The following ZFYVE16 variants were observed in gnomAD, a reference collection of about 807,000 sequenced individuals.
ZFYVE16 encodes the protein zinc finger FYVE domain-containing protein 16.
In ZFYVE16, 89 loss-of-function variants were observed where a neutral mutation model predicts 138.1. That is an observed-to-expected ratio of 0.64 (90% CI 0.54 to 0.77). The LOEUF is 0.77. Among genes scored for constraint, ZFYVE16 ranks in the 30% least tolerant of loss-of-function variants. The pLI, the probability that ZFYVE16 is intolerant of heterozygous loss-of-function variation, is 0.00. For synonymous variants in ZFYVE16, 596 were observed against 618.3 expected (o/e 0.96, Z 0.53); for missense variants, 1,793 against 1,786.7 (o/e 1.00, Z -0.06).
intron 14 of ZFYVE16, among the ~76,000 whole-genome samples, chr5:80,458,058 G>A (rs983732806): frequency 6.7e-6 from 1 of 149,712 alleles, no homozygotes; most frequent in African/African-American, 2.4e-5. Context: ...AAAAAAGGTG[G>A]TAAAAGGGAA....
At chr5:80,473,926 G>A (rs1323027040) in intron 17 of ZFYVE16, 67 bp downstream of exon 17, 29 of 1,189,456 alleles carry the variant, frequency 2.4e-5, no homozygotes, top group Non-Finnish European at 3.6e-5. Flanking sequence ...TGGAGATTGT[G>A]CATACTCAAC....
chr5:80,439,036 T>C, intron 4 of ZFYVE16, 29 bp downstream of exon 4: 4 of 1,572,432 alleles, frequency 2.5e-6, no homozygotes, highest in Non-Finnish European at 1.7e-6. Flanking sequence ...TTAAGTCTTT[T>C]GTTCTTTTGA....
chr5:80,438,209 G>T lies in ZFYVE16; in HGVS notation c.1524G>T (p.Met508Ile). The change falls in exon 4 of 19, where the codon ATG becomes ATT. Residue 508 changes from methionine (M) to isoleucine (I), a missense_variant. By Grantham distance (10) the Met-to-Ile change is conservative. This residue lies in a region of ZFYVE16 where 1,295 missense variants were observed against 1,204.3 expected (regional missense o/e 1.08). Coordinates refer to ENST00000505560, the MANE Select transcript of ZFYVE16 (RefSeq NM_001284236.3). Reference protein sequence around the residue: ...GFINTFSSNDMDGQDLDYFNI... With the variant: ...GFINTFSSNDIDGQDLDYFNI... ...TTAATACTTTTTCAAGCAATGATAT[G>T]GATGGGCAAGACTTAGATTACTTTA... The T allele has an allele frequency of 6.2e-7, 1 of 1,613,978 alleles. No homozygotes were observed. The highest frequency in any genetic ancestry group is 1.1e-5 in the South Asian group (1 of 91,078).
intron 6 of ZFYVE16, 31 bp from the exon 7 acceptor site, chr5:80,445,232 T>G (rs1354582560): frequency 1.9e-6 from 3 of 1,600,672 alleles, no homozygotes; most frequent in Non-Finnish European, 2.6e-6. Flanking sequence ...ATTACCAGAT[T>G]CAAATGTTTT....
At chr5:80,460,094 G>A (rs1217459193) in intron 15 of ZFYVE16, among the ~76,000 whole-genome samples, 1 of 152,018 alleles carries the variant, frequency 6.6e-6, no homozygotes, top group Non-Finnish European at 1.5e-5. Flanking sequence ...TGGTTGTACC[G>A]ATTTACTTTA....
At position 80,473,824 on chromosome 5, in the gene ZFYVE16, T is replaced by G; in HGVS notation, c.4258T>G (p.Phe1420Val). The change falls in exon 17 of 19, where the codon TTT becomes GTT. Residue 1420 changes from phenylalanine (F) to valine (V), a missense_variant. Physicochemically the swap from Phe to Val is conservative, Grantham distance 50. Transcript: ENST00000505560. ...PSEKIKLEADFETDEKIVKCT... is the reference protein window; with the variant it reads ...PSEKIKLEADVETDEKIVKCT... The stretch of plus-strand genomic sequence containing the variant: ...TGAAAAAATAAAACTGGAAGCAGAT[T>G]TTGAAACCGATGAGAAGATTGTAAA... 2 of 1,613,430 alleles carry G rather than the reference T, an allele frequency of 1.2e-6. No individual in the cohort carries two copies. The highest frequency in any genetic ancestry group is 1.7e-6 in the Non-Finnish European group (2 of 1,179,592).
chr5:80,441,842 G>A, intron 5 of ZFYVE16: 1 of 985,324 alleles, frequency 1.0e-6, no homozygotes, highest in Non-Finnish European at 1.2e-6. Context: ...AGCATTGATA[G>A]CAGATCAGTT....
rs1312843791 is a variant in ZFYVE16 at position 80,480,989 on chromosome 5, G to GTTTCAA, written c.*3616_*3617insAATTTC. On this transcript the variant is annotated 3_prime_UTR_variant, in exon 19 of 19. Transcript: ENST00000505560. ...AAAATAGTCCAAGGAACAATTTGCT[G>GTTTCAA]TTTCTAGTCAGAGGACCAGAAAGGA... Among the ~76,000 whole-genome samples the GTTTCAA allele has an allele frequency of 6.6e-6, 1 of 152,164 alleles. No individual in the cohort carries two copies. The highest frequency in any genetic ancestry group is 1.5e-5 in the Non-Finnish European group (1 of 68,026).
At chr5:80,425,732 T>G (rs937148782) in intron 1 of ZFYVE16, among the ~76,000 whole-genome samples, 1 of 152,028 alleles carries the variant, frequency 6.6e-6, no homozygotes, top group Non-Finnish European at 1.5e-5. Context: ...TTGATTAGAT[T>G]CAGATGCAGT....
intron 7 of ZFYVE16, among the ~76,000 whole-genome samples, chr5:80,447,646 C>T (rs1444121513): frequency 1.3e-5 from 2 of 152,180 alleles, no homozygotes; most frequent in Non-Finnish European, 2.9e-5. Context: ...GTCCCTCCTC[C>T]CTGCCTACCC....
intron 15 of ZFYVE16, 46 bp from the exon 16 acceptor site, chr5:80,472,715 C>T (rs1306730358): frequency 1.3e-6 from 2 of 1,578,514 alleles, no homozygotes; most frequent in Non-Finnish European, 1.7e-6. Flanking sequence ...TAGATATACA[C>T]ATTGGTATTT....
chr5:80,423,102 T>G (rs1747478122), intron 1 of ZFYVE16, among the ~76,000 whole-genome samples: 1 of 152,210 alleles, frequency 6.6e-6, no homozygotes, highest in South Asian at 2.1e-4. Flanking sequence ...GAATTGGTAT[T>G]ATTTTTTCTT....
intron 1 of ZFYVE16, among the ~76,000 whole-genome samples, chr5:80,412,257 A>T (rs1745559612): frequency 6.6e-6 from 1 of 152,224 alleles, no homozygotes; most frequent in African/African-American, 2.4e-5. Flanking sequence ...AATCATGAAG[A>T]GATTTTTAAA....
In ZFYVE16 at chr5:80,483,371, G is replaced by T. The variant is rs2112585317; in HGVS notation, c.*5994G>T. 6.6e-6 allele frequency among the ~76,000 whole-genome samples: 1 copy of T among 152,262 alleles called. No homozygotes were observed. Among genetic ancestry groups the T allele is most frequent in the Admixed American group, 6.5e-5 (1 of 15,290 alleles). ...ATGTAACTGCTGAAATAAAAAAATTGTAACATCATCTTTTGGGATTTTCAA... is the reference window on the plus strand; with the variant it reads ...ATGTAACTGCTGAAATAAAAAAATTTTAACATCATCTTTTGGGATTTTCAA... On this transcript the variant is annotated 3_prime_UTR_variant, in exon 19 of 19. Coordinates refer to ENST00000505560, the MANE Select transcript of ZFYVE16 (RefSeq NM_001284236.3).
chr5:80,437,164 C>G lies in ZFYVE16; in HGVS notation c.479C>G (p.Ser160Cys). ...GATGATTTTAAGTCTAATGCAGATT[C>G]CTTGATTGGATTGGATTTATCTTCA... The part of the protein sequence containing the change: ...LPDDFKSNAD[S>C]LIGLDLSSVS... The change falls in exon 4 of 19, where the codon TCC becomes TGC. Residue 160 changes from serine to cysteine, a missense_variant. By Grantham distance (112) the Ser-to-Cys change is moderately radical. Coordinates refer to ENST00000505560, the MANE Select transcript of ZFYVE16 (RefSeq NM_001284236.3). The G allele has an allele frequency of 1.2e-6, 2 of 1,613,926 alleles. No homozygotes were observed. Among genetic ancestry groups the G allele is most frequent in the Non-Finnish European group, 1.7e-6 (2 of 1,179,944 alleles).
Position 80,437,446 on chromosome 5 carries a change from A to G in ZFYVE16, c.761A>G (p.Lys254Arg). The G allele has an allele frequency of 6.2e-7, 1 of 1,602,330 alleles. No individual in the cohort carries two copies. The highest frequency in any genetic ancestry group is 8.5e-7 in the Non-Finnish European group (1 of 1,175,008). ...TCTGCTTTGACTCGACAAAGTTCCA[A>G]AATGTTTCATGCCAAAGACAAGCTA... ...MSSALTRQSS[K>R]MFHAKDKLQH... Residue 254 changes from lysine to arginine, a missense_variant, in exon 4 of 19, where the codon AAA becomes AGA. This residue lies in a region of ZFYVE16 where 1,295 missense variants were observed against 1,204.3 expected (regional missense o/e 1.08). Transcript: ENST00000505560.
intron 3 of ZFYVE16, 137 bp downstream of exon 3, chr5:80,434,354 T>G: frequency 1.3e-6 from 1 of 769,358 alleles, no homozygotes; most frequent in Admixed American, 2.3e-5. Flanking sequence ...TTCATTTATT[T>G]CATAATAAGA....
At chr5:80,439,142 CAG>C (rs565800533) in intron 4 of ZFYVE16, 135 bp downstream of exon 4, 22 of 946,924 alleles carry the variant, frequency 2.3e-5, no homozygotes, top group Admixed American at 2.9e-5. Context: ...ATCTACCAGT[CAG>C]GGAAATATAT....
At chr5:80,419,518 T>C (rs1238001862) in intron 1 of ZFYVE16, among the ~76,000 whole-genome samples, 1 of 152,206 alleles carries the variant, frequency 6.6e-6, no homozygotes, top group African/African-American at 2.4e-5. Context: ...AGTATCACTT[T>C]AGCTATTCTA....
Sources: gnomAD v4.1 joint callset for allele counts (sites outside exome capture counted in the v4.1 genomes callset) on GRCh38, gnomAD v4.1.1 for gene constraint, gnomAD v4.1.1 regional missense constraint, MANE v1.5 for transcripts, NCBI Gene and HGNC (gene_info 2026-07-23, HGNC 2026-07-21) for gene names.